Variants in HIVEP1 observed in about 807,000 individuals in gnomAD.
HIVEP1 encodes the protein HIVEP zinc finger 1.
Under a neutral mutation model 180.0 loss-of-function variants are expected in HIVEP1, and 36 were observed. The observed-to-expected ratio is 0.20, with a 90% CI of 0.15 to 0.26. HIVEP1 has a LOEUF of 0.26. HIVEP1 is among the 10% of genes least tolerant of loss of function. HIVEP1 has a pLI of 1.00. For missense variants in HIVEP1, 3,143 were observed against 3,268.7 expected, an observed-to-expected ratio of 0.96 and a Z score of 0.94; for synonymous variants, 1,239 against 1,239.0, an observed-to-expected ratio of 1.00 and a Z score of 0.00.
At chr6:12,084,780 G>A (rs1241263045) in intron 2 of HIVEP1, among the ~76,000 whole-genome samples, 5 of 152,032 alleles carry the variant, frequency 3.3e-5, no homozygotes, top group African/African-American at 4.8e-5. Context: ...AAGGCTAAAC[G>A]AAGAGGGAGG....
At chr6:12,069,447 T>A (rs1046620235) in intron 2 of HIVEP1, among the ~76,000 whole-genome samples, 1 of 151,826 alleles carries the variant, frequency 6.6e-6, no homozygotes, top group Non-Finnish European at 1.5e-5. Flanking sequence ...AAATGCTGTA[T>A]ACTTAGGATA....
chr6:12,184,307 T>A, the HIVEP1 span, among the ~76,000 whole-genome samples: 1 of 152,170 alleles, frequency 6.6e-6, no homozygotes, highest in Admixed American at 6.6e-5. Context: ...TCCTAGAATG[T>A]TACCTACAAA....
intron 2 of HIVEP1, among the ~76,000 whole-genome samples, chr6:12,028,344 G>C (rs1396977198): frequency 6.6e-6 from 1 of 152,198 alleles, no homozygotes. Context: ...AGACATAAAG[G>C]CCATAATGGC....
chr6:12,047,605 A>G (rs1346138071), intron 2 of HIVEP1, among the ~76,000 whole-genome samples: 1 of 152,246 alleles, frequency 6.6e-6, no homozygotes, highest in Non-Finnish European at 1.5e-5. Context: ...GTGTTCTGCC[A>G]CAAACACATC....
At chr6:12,034,959 C>T (rs1337522874) in intron 2 of HIVEP1, among the ~76,000 whole-genome samples, 8 of 152,158 alleles carry the variant, frequency 5.3e-5, no homozygotes, top group Non-Finnish European at 8.8e-5. Flanking sequence ...AAGCTTGGGG[C>T]TGGCAGCATG....
upstream of HIVEP1, among the ~76,000 whole-genome samples, chr6:12,009,475 T>C (rs1333765569): frequency 6.6e-6 from 1 of 152,192 alleles, no homozygotes; most frequent in Admixed American, 6.5e-5. Context: ...CCCCCTCTTT[T>C]TTGGGGGCAG....
At chr6:12,204,360 T>TCCTTTCCCTGTCTTCCTCTTTTACCTC in the HIVEP1 span, among the ~76,000 whole-genome samples, 25 of 150,528 alleles carry the variant, frequency 1.7e-4, no homozygotes, top group African/African-American at 6.1e-4. Flanking sequence ...TCAAGCTTCC[T>TCCTTTCCCTGTCTTCCTCTTTTACCTC]CCCTTCCCCG....
At chr6:12,197,654 A>G in the HIVEP1 span, among the ~76,000 whole-genome samples, 6 of 152,078 alleles carry the variant, frequency 3.9e-5, no homozygotes, top group Non-Finnish European at 5.9e-5. Flanking sequence ...TTTGTATCAT[A>G]GAATATTTTA....
chr6:12,151,243 A>G (rs1759684571), intron 7 of HIVEP1, among the ~76,000 whole-genome samples: 1 of 152,226 alleles, frequency 6.6e-6, no homozygotes, highest in African/African-American at 2.4e-5. Flanking sequence ...TTTATTGAGT[A>G]TTAGAAACAT....
rs530724838 is a variant in HIVEP1 at position 12,116,660 on chromosome 6, T to C, written c.95-3230T>C. Among the ~76,000 whole-genome samples the C allele has an allele frequency of 9.2e-5, 14 of 152,084 alleles. 2 individuals carry two copies. Among genetic ancestry groups the C allele is most frequent in the African/African-American group, 3.1e-4 (13 of 41,484 alleles). Reference sequence around the variant, plus strand: ...GGCTTTATCCCTTGAACAAGGACAGTGAACCTGTTAAAGAAAGAAGATCCA... The same window carrying C: ...GGCTTTATCCCTTGAACAAGGACAGCGAACCTGTTAAAGAAAGAAGATCCA... On this transcript the variant is annotated intron_variant, in intron 3 of 8. Transcript: ENST00000379388.
chr6:12,076,279 T>C (rs1772344702), intron 2 of HIVEP1, among the ~76,000 whole-genome samples: 1 of 152,162 alleles, frequency 6.6e-6, no homozygotes, highest in South Asian at 2.1e-4. Context: ...CTTGTATGGG[T>C]TACTAATTAA....
chr6:12,192,481 A>G, the HIVEP1 span, among the ~76,000 whole-genome samples: 2 of 152,150 alleles, frequency 1.3e-5, no homozygotes, highest in Non-Finnish European at 1.5e-5. Context: ...CTCATGTTGA[A>G]TTGTAATTCC....
the HIVEP1 span, among the ~76,000 whole-genome samples, chr6:12,179,305 A>G: frequency 6.6e-6 from 1 of 152,140 alleles, no homozygotes; most frequent in East Asian, 1.9e-4. Flanking sequence ...GCTTAGTTTC[A>G]TAATCAAGCA....
downstream of HIVEP1, among the ~76,000 whole-genome samples, chr6:12,167,656 TTATA>T (rs1375497626): frequency 9.2e-6 from 1 of 109,026 alleles, no homozygotes; most frequent in Non-Finnish European, 2.0e-5. Flanking sequence ...CATATATATG[TTATA>T]TATACATATA....
Position 12,123,590 on chromosome 6 carries a change from T to G in HIVEP1, c.3795T>G (p.Arg1265=). 1 of 1,614,084 alleles carries G rather than the reference T, an allele frequency of 6.2e-7. No homozygotes were observed. Among genetic ancestry groups the G allele is most frequent in the Non-Finnish European group, 8.5e-7 (1 of 1,180,016 alleles). ...CAGAGAAGTTCAGTTGGCCCCAGCG[T>G]AGTGAAACCTTGTCAAAATTGCCAA... ...EKSEKFSWPQ[R]SETLSKLPTE... Residue 1265 remains arginine, a synonymous_variant, in exon 4 of 9, where the codon CGT becomes CGG. Transcript: ENST00000379388.
chr6:12,045,711 A>G (rs1193149724), intron 2 of HIVEP1, among the ~76,000 whole-genome samples: 4 of 152,244 alleles, frequency 2.6e-5, no homozygotes, highest in African/African-American at 9.6e-5. Flanking sequence ...TGATTTTAGC[A>G]CATAAATGCC....
chr6:12,077,116 A>G (rs1224692899), intron 2 of HIVEP1, among the ~76,000 whole-genome samples: 1 of 152,158 alleles, frequency 6.6e-6, no homozygotes, highest in Non-Finnish European at 1.5e-5. Flanking sequence ...TATCTGAAGC[A>G]TTGTGAACCC....
upstream of HIVEP1, among the ~76,000 whole-genome samples, chr6:12,011,072 C>T (rs529081393): frequency 1.6e-4 from 25 of 152,338 alleles, no homozygotes; most frequent in African/African-American, 5.5e-4. Context: ...ATAACCTTGG[C>T]TTTCCTCGCT....
intron 2 of HIVEP1, among the ~76,000 whole-genome samples, chr6:12,017,982 A>G (rs937794188): frequency 2.0e-5 from 3 of 152,184 alleles, no homozygotes; most frequent in African/African-American, 7.2e-5. Flanking sequence ...GGCAGCGCTC[A>G]TCGGGGAGGC....
Sources: gnomAD v4.1 joint callset for allele counts (sites outside exome capture counted in the v4.1 genomes callset) on GRCh38, gnomAD v4.1.1 for gene constraint, MANE v1.5 for transcripts, NCBI Gene and HGNC (gene_info 2026-07-23, HGNC 2026-07-21) for gene names.